Variants in GRID1 observed in about 807,000 individuals in gnomAD.
GRID1 encodes glutamate receptor ionotropic, delta-1.
Under a neutral mutation model 98.0 loss-of-function variants are expected in GRID1, and 28 were observed. That is an observed-to-expected ratio of 0.29 (90% CI 0.21 to 0.39). The LOEUF is 0.39. GRID1 is among the 10% of genes least tolerant of loss of function. GRID1 has a pLI of 1.00. For missense variants in GRID1, 1,111 were observed against 1,340.5 expected (o/e 0.83, Z 2.67); for synonymous variants, 553 against 538.5 (o/e 1.03, Z -0.37).
chr10:85,617,494 A>G (rs974159829), intron 14 of GRID1, among the ~76,000 whole-genome samples: 1 of 152,024 alleles, frequency 6.6e-6, no homozygotes, highest in Non-Finnish European at 1.5e-5. Context: ...TCAGCCTCCC[A>G]AAGTGCTGGG....
At chr10:86,070,709 T>C (rs1209095928) in intron 4 of GRID1, among the ~76,000 whole-genome samples, 1 of 152,222 alleles carries the variant, frequency 6.6e-6, no homozygotes, top group Non-Finnish European at 1.5e-5. Flanking sequence ...CACACATGCC[T>C]ACATCCACCC....
chr10:86,024,821 G>A (rs920471998), intron 4 of GRID1, among the ~76,000 whole-genome samples: 2 of 152,148 alleles, frequency 1.3e-5, no homozygotes, highest in African/African-American at 4.8e-5. Flanking sequence ...CCCTAGCCCA[G>A]GGAAACAGTG....
intron 4 of GRID1, among the ~76,000 whole-genome samples, chr10:85,989,429 C>G (rs1403309639): frequency 2.0e-5 from 3 of 152,152 alleles, no homozygotes; most frequent in African/African-American, 7.2e-5. Context: ...TCTGTTGAAC[C>G]CAATAGAGGT....
At chr10:86,096,182 C>G (rs539252580) in intron 4 of GRID1, among the ~76,000 whole-genome samples, 1 of 152,056 alleles carries the variant, frequency 6.6e-6, no homozygotes, top group South Asian at 2.1e-4. Flanking sequence ...TACAATGGAC[C>G]TTGGGGACTT....
At position 85,925,416 on chromosome 10, in the gene GRID1, C is replaced by T. The variant is rs1589300844; in HGVS notation, c.727-9177G>A. The stretch of plus-strand genomic sequence containing the variant: ...ATTATTTATGCCCACCCTGGTTTGG[C>T]GGGGGCAGCCACCAGCCTCTGCAGT... On this transcript the variant is annotated intron_variant, in intron 4 of 15. Coordinates refer to ENST00000327946, the MANE Select transcript of GRID1 (RefSeq NM_017551.3). Among the ~76,000 whole-genome samples, 4 of 152,278 alleles carry T rather than the reference C, an allele frequency of 2.6e-5. No individual in the cohort carries two copies. In the South Asian group the frequency reaches 6.2e-4, roughly 24 times the overall value.
At chr10:86,051,423 T>C (rs992425543) in intron 4 of GRID1, among the ~76,000 whole-genome samples, 1 of 151,352 alleles carries the variant, frequency 6.6e-6, no homozygotes, top group Non-Finnish European at 1.5e-5. Context: ...CTAGGGAATG[T>C]TTTCCTATGA....
intron 4 of GRID1, among the ~76,000 whole-genome samples, chr10:86,064,878 G>T (rs79414072): frequency 0.024 from 3,658 of 152,244 alleles, 75 homozygotes; most frequent in East Asian, 0.068. Flanking sequence ...AAACTCGCTG[G>T]CCACATGAAG....
chr10:86,135,269 C>T (rs1844905938), intron 4 of GRID1, among the ~76,000 whole-genome samples: 1 of 152,218 alleles, frequency 6.6e-6, no homozygotes, highest in Non-Finnish European at 1.5e-5. Flanking sequence ...TCCAATGAGT[C>T]CAATCCACTC....
At chr10:85,650,805 T>G (rs1843258302) in intron 12 of GRID1, among the ~76,000 whole-genome samples, 1 of 152,190 alleles carries the variant, frequency 6.6e-6, no homozygotes, top group Admixed American at 6.5e-5. Flanking sequence ...ATTTGGGTAA[T>G]GAAAACACAT....
At chr10:85,829,175 G>A (rs548250497) in intron 8 of GRID1, among the ~76,000 whole-genome samples, 45 of 151,840 alleles carry the variant, frequency 3.0e-4, no homozygotes, top group Admixed American at 1.8e-3. Flanking sequence ...AATGTGATTC[G>A]TCACATAAAC....
chr10:85,829,396 A>G (rs1917147), intron 8 of GRID1, among the ~76,000 whole-genome samples: 51,018 of 152,028 alleles, frequency 0.34, 9,254 homozygotes, highest in African/African-American at 0.46. Context: ...AAAACAAGAC[A>G]AGGATGCCCA....
rs1451193307 is a variant in GRID1, at chr10:85,704,768, T to C, written c.1997+18235A>G. 3.3e-5 allele frequency among the ~76,000 whole-genome samples: 5 copies of C among 152,150 alleles called. No individual in the cohort carries two copies. The East Asian group carries it at 9.6e-4, about 29-fold the overall frequency. On this transcript the variant is annotated intron_variant, in intron 12 of 15. Coordinates refer to ENST00000327946, the MANE Select transcript of GRID1 (RefSeq NM_017551.3). ...AAAGAACAGAAATTATAACAAACTA[T>C]CTTTCAGACCACAGTGCAATCAAAC...
At chr10:85,609,634 C>T (rs1564676309) in intron 15 of GRID1, among the ~76,000 whole-genome samples, 1 of 152,198 alleles carries the variant, frequency 6.6e-6, no homozygotes, top group Non-Finnish European at 1.5e-5. Context: ...GGGCCATCTG[C>T]TTCTCTGTCC....
At chr10:85,936,913 AT>A (rs1841934549) in intron 4 of GRID1, among the ~76,000 whole-genome samples, 1 of 152,226 alleles carries the variant, frequency 6.6e-6, no homozygotes, top group African/African-American at 2.4e-5. Context: ...ACTCAATAGA[AT>A]TTGATTTTAT....
At chr10:85,896,768 G>A (rs913986101) in intron 5 of GRID1, among the ~76,000 whole-genome samples, 10 of 152,148 alleles carry the variant, frequency 6.6e-5, no homozygotes, top group Admixed American at 6.6e-4. Flanking sequence ...AGATGAGACA[G>A]GCACTATGAT....
intron 4 of GRID1, among the ~76,000 whole-genome samples, chr10:86,080,415 AGGGGAGGGGAGGGG>A (rs1564668669): frequency 0.016 from 404 of 24,520 alleles, 58 homozygotes; most frequent in Non-Finnish European, 0.02. Context: ...AGGGAAGGGG[AGGGGAGGGGAGGGG>A]AGGGGAGGGG....
chr10:86,176,608 A>G (rs941482728), intron 3 of GRID1, among the ~76,000 whole-genome samples: 5 of 152,248 alleles, frequency 3.3e-5, no homozygotes, highest in Non-Finnish European at 7.3e-5. Flanking sequence ...AGGGTCCTGG[A>G]TATGAAGCTG....
At chr10:86,149,363 G>A (rs1029490207) in intron 3 of GRID1, among the ~76,000 whole-genome samples, 5 of 152,218 alleles carry the variant, frequency 3.3e-5, no homozygotes, top group Non-Finnish European at 7.3e-5. Flanking sequence ...ATTCAGGAAA[G>A]GGAATGGGTG....
intron 4 of GRID1, among the ~76,000 whole-genome samples, chr10:85,941,090 T>C (rs997610677): frequency 3.3e-5 from 5 of 152,230 alleles, no homozygotes; most frequent in African/African-American, 1.2e-4. Flanking sequence ...GTGATGTGTA[T>C]TCATTTATTC....
Sources: gnomAD v4.1 joint callset for allele counts (sites outside exome capture counted in the v4.1 genomes callset) on GRCh38, gnomAD v4.1.1 for gene constraint, MANE v1.5 for transcripts, NCBI Gene and HGNC (gene_info 2026-07-23, HGNC 2026-07-21) for gene names.